The following RTN4 variants were observed in gnomAD, a reference collection of about 807,000 sequenced individuals.
The protein encoded by RTN4 is reticulon-4.
A neutral mutation model predicts 90.4 loss-of-function variants in RTN4; 32 were observed. That is an observed-to-expected ratio of 0.35 (90% confidence interval 0.27 to 0.48). RTN4 has a LOEUF of 0.48. Among genes scored for constraint, RTN4 ranks in the 20% least tolerant of loss-of-function variants. The pLI, the probability that RTN4 is intolerant of heterozygous loss-of-function variation, is 0.99. For missense variants in RTN4, 1,706 were observed against 1,430.2 expected, an observed-to-expected ratio of 1.19 and a Z score of -3.11; for synonymous variants, 629 against 552.5, an observed-to-expected ratio of 1.14 and a Z score of -1.94.
intron 1 of RTN4, 30 bp from the exon 2 acceptor site, chr2:55,028,250 A>G (rs200205799): frequency 6.9e-6 from 11 of 1,594,774 alleles, no homozygotes; most frequent in Non-Finnish European, 9.4e-6. Context: ...TAACCTCAGC[A>G]GAAATAAAGA....
Position 55,025,494 on chromosome 2 carries a change from C to A in RTN4, c.2605G>T (p.Asp869Tyr). The A allele has an allele frequency of 2.5e-6, 4 of 1,613,710 alleles. No homozygotes were observed. Among genetic ancestry groups the A allele is most frequent in the Non-Finnish European group, 3.4e-6 (4 of 1,179,772 alleles). The change falls in exon 3 of 9, where the codon GAT becomes TAT. Residue 869 changes from aspartate to tyrosine, a missense_variant. Asp to Tyr is a radical substitution (Grantham distance 160). Coordinates refer to ENST00000337526, the MANE Select transcript of RTN4 (RefSeq NM_020532.5). ...FSDSSPIEIIDEFPTLISSKT... is the reference protein window; with the variant it reads ...FSDSSPIEIIYEFPTLISSKT... ...GAACTGATCAATGTAGGGAACTCAT[C>A]TATAATTTCAATTGGAGATGAATCT...
At chr2:55,053,520 C>T (rs1668133384), upstream of RTN4, among the ~76,000 whole-genome samples, 1 of 151,888 alleles carries the variant, frequency 6.6e-6, no homozygotes, top group African/African-American at 2.4e-5. Context: ...AACCCCATCT[C>T]TACTAAAAAT....
At chr2:55,115,503 C>T (rs1021794014), upstream of RTN4, among the ~76,000 whole-genome samples, 10 of 152,280 alleles carry the variant, frequency 6.6e-5, no homozygotes, top group East Asian at 5.8e-4. Context: ...AGAGGAGGCA[C>T]GATTTTGCCC....
At chr2:55,115,670 A>G (rs575784154), upstream of RTN4, among the ~76,000 whole-genome samples, 9 of 152,334 alleles carry the variant, frequency 5.9e-5, no homozygotes, top group Non-Finnish European at 8.8e-5. Context: ...TCAGTAGTCT[A>G]TTCCGGGGCA....
intron 3 of RTN4, among the ~76,000 whole-genome samples, chr2:55,023,894 T>C (rs1013614980): frequency 1.3e-5 from 2 of 152,110 alleles, no homozygotes; most frequent in African/African-American, 4.8e-5. Flanking sequence ...TTTGACCATT[T>C]CTTCCACCTT....
intron 3 of RTN4, among the ~76,000 whole-genome samples, chr2:54,992,543 A>G (rs1358882637): frequency 6.6e-6 from 1 of 152,210 alleles, no homozygotes; most frequent in East Asian, 1.9e-4. Flanking sequence ...GCTTTACTCC[A>G]ATATATTTGA....
the RTN4 span, among the ~76,000 whole-genome samples, chr2:55,131,624 A>G: frequency 2.0e-5 from 3 of 152,316 alleles, no homozygotes; most frequent in African/African-American, 7.2e-5. Context: ...TGGCTCACAC[A>G]TGTAATCCCA....
Position 55,026,975 on chromosome 2 carries a change from G to C in RTN4, c.1124C>G (p.Ala375Gly). The part of the protein sequence containing the change: ...AKDSFNEKRV[A>G]VEAPMREEYA... ...TTCCTCCCTCATAGGAGCTTCCACT[G>C]CAACTCTCTTTTCATTAAAACTGTC... Residue 375 changes from alanine (A) to glycine (G), a missense_variant, in exon 3 of 9, where the codon GCA (alanine) becomes GGA (glycine). Transcript: ENST00000337526. 6.2e-7 allele frequency: 1 copy of C among 1,613,224 alleles called. No homozygotes were observed. The highest frequency in any genetic ancestry group is 2.2e-5 in the East Asian group (1 of 44,876).
chr2:55,009,228 GA>G (rs1274507736), intron 3 of RTN4, among the ~76,000 whole-genome samples: 7 of 151,944 alleles, frequency 4.6e-5, no homozygotes, highest in Non-Finnish European at 7.4e-5. Context: ...TGCTTACGTA[GA>G]ATGTCTATTT....
chr2:55,132,029 T>C, the RTN4 span, among the ~76,000 whole-genome samples: 1 of 152,328 alleles, frequency 6.6e-6, no homozygotes, highest in East Asian at 1.9e-4. Context: ...TCTGCTCAAG[T>C]ATTTATGGGG....
At position 55,026,432 on chromosome 2, in the gene RTN4, T is replaced by G; in HGVS notation, c.1667A>C (p.Gln556Pro). Residue 556 changes from glutamine to proline, a missense_variant, in exon 3 of 9, where the codon CAG becomes CCG. Transcript: ENST00000337526. ...MPEGLTPDLV[Q>P]EACESELNEV... ...ATTCAATTCACTTTCACATGCTTCC[T>G]GTACTAAATCTGGAGTCAGGCCTTC... 1 of 1,613,930 alleles carries G rather than the reference T, an allele frequency of 6.2e-7. No homozygotes were observed. The highest frequency in any genetic ancestry group is 8.5e-7 in the Non-Finnish European group (1 of 1,179,902).
intron 1 of RTN4, among the ~76,000 whole-genome samples, chr2:55,099,977 C>T (rs1178124178): frequency 6.6e-6 from 1 of 152,064 alleles, no homozygotes; most frequent in African/African-American, 2.4e-5. Context: ...CATGGACTTA[C>T]ATTTTATTCA....
At chr2:55,119,469 C>A in the RTN4 span, among the ~76,000 whole-genome samples, 33 of 152,302 alleles carry the variant, frequency 2.2e-4, no homozygotes, top group East Asian at 6.2e-3. Context: ...CGTGTGATAG[C>A]TGGCTGGCTT....
intron 1 of RTN4, among the ~76,000 whole-genome samples, chr2:55,110,769 G>A (rs902764653): frequency 2.6e-5 from 4 of 152,332 alleles, no homozygotes; most frequent in South Asian, 4.1e-4. Context: ...GGCCAGGCAC[G>A]GTAGCTCATG....
chr2:55,032,914 G>C (rs563422148), intron 1 of RTN4, among the ~76,000 whole-genome samples: 1 of 152,064 alleles, frequency 6.6e-6, no homozygotes, highest in Non-Finnish European at 1.5e-5. Context: ...TGCAGTTCTA[G>C]CAACTCAGGA....
intron 1 of RTN4, among the ~76,000 whole-genome samples, chr2:55,094,701 T>C (rs1176989907): frequency 1.3e-5 from 2 of 152,088 alleles, no homozygotes; most frequent in African/African-American, 4.8e-5. Context: ...TTGAGATGAA[T>C]GACAAGGAAG....
At chr2:55,001,735 AC>A (rs1558788688) in intron 3 of RTN4, among the ~76,000 whole-genome samples, 1 of 152,228 alleles carries the variant, frequency 6.6e-6, no homozygotes, top group South Asian at 2.1e-4. Flanking sequence ...GGAGCCTCTC[AC>A]TTCAAAAGAT....
At chr2:55,122,030 C>T in the RTN4 span, among the ~76,000 whole-genome samples, 1 of 151,928 alleles carries the variant, frequency 6.6e-6, no homozygotes, top group Non-Finnish European at 1.5e-5. Context: ...CAGGGTCTCA[C>T]TCTGTTGCCC....
intron 4 of RTN4, among the ~76,000 whole-genome samples, chr2:54,986,032 A>G (rs1678533444): frequency 6.6e-6 from 1 of 152,210 alleles, no homozygotes; most frequent in Non-Finnish European, 1.5e-5. Flanking sequence ...TTCTCCAAAG[A>G]GCTGGGTCTT....
Sources: gnomAD v4.1 joint callset for allele counts (sites outside exome capture counted in the v4.1 genomes callset) on GRCh38, gnomAD v4.1.1 for gene constraint, MANE v1.5 for transcripts, NCBI Gene and HGNC (gene_info 2026-07-23, HGNC 2026-07-21) for gene names.